Variants in EPHA5 observed in about 807,000 individuals in gnomAD.
The protein encoded by EPHA5 is ephrin type-A receptor 5.
Under a neutral mutation model 105.0 loss-of-function variants are expected in EPHA5, and 60 were observed. That is an observed-to-expected ratio of 0.57 (90% CI 0.46 to 0.71). The LOEUF is 0.71. EPHA5 is among the 30% of genes least tolerant of loss of function. The probability of loss-of-function intolerance (pLI) is 0.00; values close to 1 mark genes in which losing one functional copy is unlikely to be tolerated. For missense variants in EPHA5, 1,218 were observed against 1,274.7 expected, an observed-to-expected ratio of 0.96 and a Z score of 0.68; for synonymous variants, 513 against 449.1, an observed-to-expected ratio of 1.14 and a Z score of -1.80.
At chr4:65,612,624 G>A (rs1744882158) in intron 2 of EPHA5, among the ~76,000 whole-genome samples, 1 of 152,166 alleles carries the variant, frequency 6.6e-6, no homozygotes, top group Non-Finnish European at 1.5e-5. Flanking sequence ...ATAGTGCGGT[G>A]AGAAACATAG....
rs1448290021 is a variant in EPHA5 at position 65,351,382 on chromosome 4, A to ATCTTACCC, written c.2444_2445+6dup. ...AGTGTTTAGAAATGCACTCTGTTAG[A>ATCTTACCC]TCTTACCCTTGTGGTGTAGGCTGCC... On this transcript the variant is annotated splice_region_variant and intron_variant, in intron 13 of 16. Coordinates refer to ENST00000613740, the MANE Select transcript of EPHA5 (RefSeq NM_001281766.3). 1 of 1,613,134 alleles carries ATCTTACCC rather than the reference A, an allele frequency of 6.2e-7. No homozygotes were observed. The highest frequency in any genetic ancestry group is 8.5e-7 in the Non-Finnish European group (1 of 1,179,474).
intron 2 of EPHA5, among the ~76,000 whole-genome samples, chr4:65,637,308 A>G (rs1165395636): frequency 6.6e-6 from 1 of 150,686 alleles, no homozygotes; most frequent in East Asian, 1.9e-4. Flanking sequence ...AAAAATGACT[A>G]TTCATTGCTG....
intron 7 of EPHA5, among the ~76,000 whole-genome samples, chr4:65,409,682 G>A (rs1722735161): frequency 6.6e-6 from 1 of 152,066 alleles, no homozygotes; most frequent in Admixed American, 6.5e-5. Context: ...CACAGCAATA[G>A]GTATCTATAA....
chr4:65,621,979 T>C (rs1745742009), intron 2 of EPHA5, among the ~76,000 whole-genome samples: 1 of 152,168 alleles, frequency 6.6e-6, no homozygotes, highest in Non-Finnish European at 1.5e-5. Context: ...TACAGTCCAT[T>C]AAATTAATCT....
intron 5 of EPHA5, among the ~76,000 whole-genome samples, chr4:65,461,193 A>G (rs1041186460): frequency 1.3e-5 from 2 of 151,960 alleles, no homozygotes; most frequent in Non-Finnish European, 1.5e-5. Context: ...AACCAAGACT[A>G]AACTTAAAGT....
chr4:65,562,734 T>C (rs1739144859), intron 3 of EPHA5, among the ~76,000 whole-genome samples: 1 of 152,060 alleles, frequency 6.6e-6, no homozygotes, highest in Admixed American at 6.6e-5. Context: ...CTCACTTTTT[T>C]GAAATATTCT....
intron 3 of EPHA5, among the ~76,000 whole-genome samples, chr4:65,497,314 A>G (rs955519576): frequency 2.0e-5 from 3 of 152,120 alleles, no homozygotes; most frequent in Non-Finnish European, 4.4e-5. Context: ...ATCACCATGA[A>G]TAATCAGGAA....
chr4:65,375,774 AAC>A (rs974882786), intron 8 of EPHA5, among the ~76,000 whole-genome samples: 1 of 123,688 alleles, frequency 8.1e-6, no homozygotes, highest in East Asian at 2.7e-4. Context: ...ATAGCACAGA[AAC>A]ACACACACAT....
intron 16 of EPHA5, 141 bp from the exon 17 acceptor site, chr4:65,324,360 A>G: frequency 1.8e-6 from 1 of 542,722 alleles, no homozygotes; most frequent in Non-Finnish European, 3.3e-6. Context: ...CTAGTTTTTA[A>G]AGGTTAGGCT....
At chr4:65,606,046 T>A (rs1292784852) in intron 2 of EPHA5, among the ~76,000 whole-genome samples, 1 of 152,194 alleles carries the variant, frequency 6.6e-6, no homozygotes, top group Non-Finnish European at 1.5e-5. Flanking sequence ...CATATCTTCC[T>A]TTGTCTTCTT....
intron 6 of EPHA5, among the ~76,000 whole-genome samples, chr4:65,419,032 C>T (rs1164419153): frequency 1.3e-5 from 2 of 151,084 alleles, no homozygotes; most frequent in African/African-American, 2.4e-5. Context: ...TACAGGTGCC[C>T]GCTACCACAC....
At chr4:65,452,694 A>G (rs2149110226) in intron 5 of EPHA5, among the ~76,000 whole-genome samples, 1 of 152,286 alleles carries the variant, frequency 6.6e-6, no homozygotes, top group Non-Finnish European at 1.5e-5. Context: ...CTTGAATGCA[A>G]GCAAATAAAC....
intron 5 of EPHA5, among the ~76,000 whole-genome samples, chr4:65,456,315 T>C (rs1048018849): frequency 7.5e-5 from 11 of 146,174 alleles, no homozygotes; most frequent in African/African-American, 2.7e-4. Flanking sequence ...CTTTACTCTG[T>C]TCTTCGATTT....
intron 15 of EPHA5, among the ~76,000 whole-genome samples, chr4:65,333,775 A>G (rs1398293446): frequency 6.6e-6 from 1 of 151,424 alleles, no homozygotes; most frequent in Non-Finnish European, 1.5e-5. Context: ...CCAGACTAAG[A>G]TTCTTCTATA....
At chr4:65,617,910 A>T (rs1745383211) in intron 2 of EPHA5, among the ~76,000 whole-genome samples, 1 of 152,192 alleles carries the variant, frequency 6.6e-6, no homozygotes, top group Non-Finnish European at 1.5e-5. Flanking sequence ...CTATTAAATC[A>T]TCACAAATGT....
chr4:65,532,294 C>A (rs1735881691), intron 3 of EPHA5, among the ~76,000 whole-genome samples: 1 of 151,954 alleles, frequency 6.6e-6, no homozygotes, highest in Admixed American at 6.5e-5. Context: ...GTAATGAAAG[C>A]TTCTCATAAT....
intron 5 of EPHA5, among the ~76,000 whole-genome samples, chr4:65,470,773 C>G (rs992558632): frequency 6.6e-6 from 1 of 152,164 alleles, no homozygotes; most frequent in Non-Finnish European, 1.5e-5. Flanking sequence ...TTTTGAAGAA[C>G]AAGCCACTAA....
At chr4:65,415,874 T>C (rs1723337090) in intron 6 of EPHA5, among the ~76,000 whole-genome samples, 1 of 152,052 alleles carries the variant, frequency 6.6e-6, no homozygotes, top group African/African-American at 2.4e-5. Flanking sequence ...TCTTAATGTG[T>C]TCCTTTTAAC....
intron 5 of EPHA5, among the ~76,000 whole-genome samples, chr4:65,458,765 A>G (rs1446772624): frequency 1.3e-5 from 2 of 152,098 alleles, no homozygotes; most frequent in Admixed American, 6.5e-5. Flanking sequence ...TACATGTATA[A>G]ATAGAAACAA....
Sources: gnomAD v4.1 joint callset for allele counts (sites outside exome capture counted in the v4.1 genomes callset) on GRCh38, gnomAD v4.1.1 for gene constraint, MANE v1.5 for transcripts, NCBI Gene and HGNC (gene_info 2026-07-23, HGNC 2026-07-21) for gene names.